MUC17: variants seen among roughly 807,000 people sequenced by gnomAD.
The protein encoded by MUC17 is mucin 17, cell surface associated.
MUC17 carries 190 observed loss-of-function variants against 170.3 expected under a neutral mutation model. The ratio of observed to expected loss-of-function variants is 1.12; its 90% CI spans 0.99 to 1.26. The LOEUF (loss-of-function observed/expected upper bound fraction) is 1.26. Among genes scored for constraint, MUC17 ranks in the 50% most tolerant of loss-of-function variants. The pLI, the probability that MUC17 is intolerant of heterozygous loss-of-function variation, is 0.00. For synonymous variants in MUC17, 2,325 were observed against 2,002.5 expected, an observed-to-expected ratio of 1.16 and a Z score of -4.30; for missense variants, 6,415 against 5,530.0, an observed-to-expected ratio of 1.16 and a Z score of -5.08.
In MUC17 at chr7:101,034,644, T is replaced by C; in HGVS notation, c.3228T>C (p.Tyr1076=). 6.2e-7 allele frequency: 1 copy of C among 1,603,730 alleles called. No homozygotes were observed. The highest frequency in any genetic ancestry group is 8.5e-7 in the Non-Finnish European group (1 of 1,173,138). Reference sequence around the variant, plus strand: ...ACACCAGCACACCTGTGACCACTTATTCTCAAGCCAGTTCATCTTCTACAA... The same window carrying C: ...ACACCAGCACACCTGTGACCACTTACTCTCAAGCCAGTTCATCTTCTACAA... The part of the protein sequence containing the change: ...PADTSTPVTT[Y]SQASSSSTTA... Residue 1076 remains tyrosine (Y), a synonymous_variant, in exon 3 of 13, where the codon TAT becomes TAC. Transcript: ENST00000306151.
In MUC17 at chr7:101,035,283, G is replaced by C. The variant is rs1388586130; in HGVS notation, c.3867G>C (p.Leu1289=). 2 of 1,609,116 alleles carry C rather than the reference G, an allele frequency of 1.2e-6. No homozygotes were observed. Among genetic ancestry groups the C allele is most frequent in the South Asian group, 2.2e-5 (2 of 90,702 alleles). ...LLTSIPVSTT[L]VTSPEASTLL... is the part of the protein sequence containing the mutation. ...CAAGTATACCTGTCAGCACCACGCTGGTGACCAGTCCTGAGGCTAGCACCC... is the reference window on the plus strand; with the variant it reads ...CAAGTATACCTGTCAGCACCACGCTCGTGACCAGTCCTGAGGCTAGCACCC... The change falls in exon 3 of 13, where the codon CTG becomes CTC. Residue 1289 remains leucine (L), a synonymous_variant. Transcript: ENST00000306151.
rs542185793 is a variant in MUC17 at position 101,031,871 on chromosome 7, C to G, written c.455C>G (p.Pro152Arg). The G allele has an allele frequency of 2.5e-6, 4 of 1,614,166 alleles. No homozygotes were observed. The highest frequency in any genetic ancestry group is 3.4e-6 in the Non-Finnish European group (4 of 1,180,020). The part of the protein sequence containing the change: ...PEGTDVPMST[P>R]SEESISSTMA... Reference sequence around the variant, plus strand: ...GGCACCGACGTGCCCATGTCAACACCAAGTGAAGAAAGCATTTCATCAACA... The same window carrying G: ...GGCACCGACGTGCCCATGTCAACACGAAGTGAAGAAAGCATTTCATCAACA... Residue 152 changes from proline to arginine, a missense_variant, in exon 3 of 13, where the codon CCA becomes CGA. Coordinates refer to ENST00000306151, the MANE Select transcript of MUC17 (RefSeq NM_001040105.2).
chr7:101,022,733 T>C (rs1794114160), intron 1 of MUC17, among the ~76,000 whole-genome samples: 1 of 152,108 alleles, frequency 6.6e-6, no homozygotes, highest in South Asian at 2.1e-4. Flanking sequence ...GGAGGACTGC[T>C]TGAGCCTGGG....
chr7:101,035,260 A>G lies in MUC17; in HGVS notation c.3844A>G (p.Ser1282Gly), dbSNP rs1470289380. The change falls in exon 3 of 13, where the codon AGT becomes GGT. Residue 1282 changes from serine (S) to glycine (G), a missense_variant. Coordinates refer to ENST00000306151, the MANE Select transcript of MUC17 (RefSeq NM_001040105.2). ...TTSEGSTLLT[S>G]IPVSTTLVTS... ...TAGTGAAGGAAGTACTCTATTAACA[A>G]GTATACCTGTCAGCACCACGCTGGT... 3 of 1,608,942 alleles carry G rather than the reference A, an allele frequency of 1.9e-6. No individual in the cohort carries two copies. The highest frequency in any genetic ancestry group is 2.6e-6 in the Non-Finnish European group (3 of 1,176,444).
In MUC17 at chr7:101,042,772, A is replaced by G; in HGVS notation, c.11356A>G (p.Thr3786Ala). 4 of 1,614,134 alleles carry G rather than the reference A, an allele frequency of 2.5e-6. No individual in the cohort carries two copies. Among genetic ancestry groups the G allele is most frequent in the Non-Finnish European group, 3.4e-6 (4 of 1,180,026 alleles). ...IPSVYTSMSM[T>A]TASEGSSSPT... ...ATCTGTTTACACCAGCATGTCTATG[A>G]CCACTGCCTCTGAAGGCAGTTCATC... The change falls in exon 3 of 13, where the codon ACC becomes GCC. Residue 3786 changes from threonine (T) to alanine (A), a missense_variant. Thr to Ala is a moderately conservative substitution (Grantham distance 58). Coordinates refer to ENST00000306151, the MANE Select transcript of MUC17 (RefSeq NM_001040105.2).
Position 101,056,219 on chromosome 7 carries a change from C to T in MUC17, c.13389C>T (p.Ser4463=), listed in dbSNP as rs2116486794. The T allele has an allele frequency of 1.2e-6, 2 of 1,613,894 alleles. No homozygotes were observed. The highest frequency in any genetic ancestry group is 8.5e-7 in the Non-Finnish European group (1 of 1,179,906). The change falls in exon 12 of 13, where the codon TCC becomes TCT. Residue 4463 remains serine (S), a synonymous_variant. Transcript: ENST00000306151. ...ATGATGATTCCATCCACCTGGAGTCCATCTATAGTAATTTCCAGCCCTCCT... is the reference window on the plus strand; with the variant it reads ...ATGATGATTCCATCCACCTGGAGTCTATCTATAGTAATTTCCAGCCCTCCT... ...CQDDDSIHLE[S]IYSNFQPSLR...
chr7:101,049,282 C>T (rs535044508), intron 5 of MUC17, 42 bp from the exon 6 acceptor site: 34 of 1,613,700 alleles, frequency 2.1e-5, no homozygotes, highest in East Asian at 8.9e-5. Flanking sequence ...AGAACGGCCC[C>T]GTGGTCCCTC....
chr7:101,035,642 T>A lies in MUC17; in HGVS notation c.4226T>A (p.Val1409Asp). Residue 1409 changes from valine to aspartate, a missense_variant, in exon 3 of 13, where the codon GTC becomes GAC. Transcript: ENST00000306151. Reference protein sequence around the residue: ...TSIPVSTTPVVSSEASTLSAT... With the variant: ...TSIPVSTTPVDSSEASTLSAT... ...ATACCTGTCAGCACCACGCCGGTAG[T>A]CAGTTCTGAGGCTAGCACCCTTTCA... is the stretch of plus-strand genomic sequence containing the variant. The A allele has an allele frequency of 6.2e-7, 1 of 1,603,456 alleles. No individual in the cohort carries two copies. The highest frequency in any genetic ancestry group is 8.5e-7 in the Non-Finnish European group (1 of 1,175,724).
Position 101,038,020 on chromosome 7 carries a change from C to T in MUC17, c.6604C>T (p.Pro2202Ser). 7.5e-6 allele frequency: 12 copies of T among 1,608,188 alleles called. No homozygotes were observed. Among genetic ancestry groups the T allele is most frequent in the East Asian group, 2.2e-5 (1 of 44,530 alleles). The change falls in exon 3 of 13, where the codon CCT (proline) becomes TCT (serine). Residue 2202 changes from proline (P) to serine (S), a missense_variant. Coordinates refer to ENST00000306151, the MANE Select transcript of MUC17 (RefSeq NM_001040105.2). ...CAATTCTACTGAAGCCCGTTCATCT[C>T]CTACAACTTCTGAAGGTACCAGCAT... Reference protein sequence around the residue: ...VTNSTEARSSPTTSEGTSMPT... With the variant: ...VTNSTEARSSSTTSEGTSMPT...
In MUC17 at chr7:101,038,095, G is replaced by T. The variant is rs1263346967; in HGVS notation, c.6679G>T (p.Val2227Phe). The T allele has an allele frequency of 8.5e-6, 12 of 1,405,514 alleles. No individual in the cohort carries two copies. Among genetic ancestry groups the T allele is most frequent in the Non-Finnish European group, 7.6e-6 (8 of 1,050,120 alleles). 87.1% of individuals were successfully genotyped at this position (1,405,514 alleles called of 1,614,324 possible). Residue 2227 changes from valine to phenylalanine, a missense_variant, in exon 3 of 13, where the codon GTC becomes TTC. Val to Phe is a conservative substitution (Grantham distance 50). Coordinates refer to ENST00000306151, the MANE Select transcript of MUC17 (RefSeq NM_001040105.2). ...AAGCACTCCATTCACAAGTATGCCT[G>T]TCAGCACCATGCCGGTAGTTACTTC... Reference protein sequence around the residue: ...EGSTPFTSMPVSTMPVVTSEA... With the variant: ...EGSTPFTSMPFSTMPVVTSEA...
chr7:101,045,727 G>T (rs2116464909), intron 3 of MUC17, among the ~76,000 whole-genome samples: 1 of 152,210 alleles, frequency 6.6e-6, no homozygotes, highest in South Asian at 2.1e-4. Context: ...TCTCTGGATT[G>T]TCTCCAATAT....
At position 101,039,991 on chromosome 7, in the gene MUC17, G is replaced by A. The variant is rs373142874; in HGVS notation, c.8575G>A (p.Val2859Met). The change falls in exon 3 of 13, where the codon GTG becomes ATG. Residue 2859 changes from valine (V) to methionine (M), a missense_variant. Physicochemically the swap from Val to Met is conservative, Grantham distance 21 (BLOSUM62 1). Transcript: ENST00000306151. ...SSPTTAEGIV[V>M]PISTASEGST... The stretch of plus-strand genomic sequence containing the variant: ...TCCTACAACTGCTGAAGGTATCGTC[G>A]TGCCAATCTCAACTGCTAGTGAAGG... 3.4e-5 allele frequency: 54 copies of A among 1,600,584 alleles called. 1 individual carries two copies. In the African/African-American group the frequency reaches 4.6e-4, roughly 14 times the overall value.
Position 101,039,719 on chromosome 7 carries a change from C to T in MUC17, c.8303C>T (p.Ala2768Val), listed in dbSNP as rs768624828. The change falls in exon 3 of 13, where the codon GCT becomes GTT. Residue 2768 changes from alanine to valine, a missense_variant. Coordinates refer to ENST00000306151, the MANE Select transcript of MUC17 (RefSeq NM_001040105.2). ...ACCCTGCCAGTGGCCAGTTCTGAGG[C>T]TAGCACCGTTTCAACAACTGCTGTT... ...VSTLPVASSE[A>V]STVSTTAVDT... The T allele has an allele frequency of 1.9e-6, 3 of 1,611,372 alleles. 1 individual carries two copies. In the South Asian group the frequency reaches 3.3e-5, roughly 18 times the overall value.
chr7:101,031,559 C>G (rs751094329), intron 2 of MUC17, 42 bp from the exon 3 acceptor site: 2 of 1,504,646 alleles, frequency 1.3e-6, no homozygotes, highest in East Asian at 4.6e-5. Flanking sequence ...CATACAGAAC[C>G]CTAAGAAACT....
intron 11 of MUC17, among the ~76,000 whole-genome samples, chr7:101,055,798 A>T (rs1247057741): frequency 6.6e-6 from 1 of 152,236 alleles, no homozygotes; most frequent in East Asian, 1.9e-4. Flanking sequence ...TTTAAATCAG[A>T]CGATATTATC....
chr7:101,026,615 C>T (rs185508713), intron 1 of MUC17, among the ~76,000 whole-genome samples: 2 of 152,330 alleles, frequency 1.3e-5, no homozygotes, highest in East Asian at 1.9e-4. Flanking sequence ...GATATGACCT[C>T]GCTCTGTTGC....
Position 101,058,308 on chromosome 7 carries a change from G to T in MUC17, c.*264G>T. 2 of 328,942 alleles carry T rather than the reference G, an allele frequency of 6.1e-6. No homozygotes were observed. The highest frequency in any genetic ancestry group is 4.8e-5 in the East Asian group (1 of 20,814). 20.4% of individuals were successfully genotyped at this position (328,942 alleles called of 1,614,324 possible). On this transcript the variant is annotated 3_prime_UTR_variant, in exon 13 of 13. Transcript: ENST00000306151. The stretch of plus-strand genomic sequence containing the variant: ...TTTTCAAAGACGCTCCAGATTTGAG[G>T]GTACTCTGACTGCAACATCTTTCAC...
intron 6 of MUC17, 76 bp downstream of exon 6, chr7:101,049,458 G>A: frequency 6.5e-7 from 1 of 1,533,656 alleles, no homozygotes; most frequent in Non-Finnish European, 8.8e-7. Flanking sequence ...AATTAGAACT[G>A]TGCCCCCTGC....
Position 101,031,830 on chromosome 7 carries a change from T to C in MUC17, c.414T>C (p.Ser138=). The C allele has an allele frequency of 6.2e-7, 1 of 1,613,840 alleles. No individual in the cohort carries two copies. Among genetic ancestry groups the C allele is most frequent in the Non-Finnish European group, 8.5e-7 (1 of 1,179,686 alleles). ...CCAGTTCTACTGAAGACACTTCATCTCCTACAACTCCTGAAGGCACCGACG... is the reference window on the plus strand; with the variant it reads ...CCAGTTCTACTGAAGACACTTCATCCCCTACAACTCCTGAAGGCACCGACG... ...LFPSSTEDTS[S]PTTPEGTDVP... Residue 138 remains serine, a synonymous_variant, in exon 3 of 13, where the codon TCT becomes TCC. Coordinates refer to ENST00000306151, the MANE Select transcript of MUC17 (RefSeq NM_001040105.2).
Sources: gnomAD v4.1 joint callset for allele counts (sites outside exome capture counted in the v4.1 genomes callset) on GRCh38, gnomAD v4.1.1 for gene constraint, MANE v1.5 for transcripts, NCBI Gene and HGNC (gene_info 2026-07-23, HGNC 2026-07-21) for gene names.